Variants in TMEM129 observed in about 807,000 individuals in gnomAD.
TMEM129 encodes transmembrane protein 129, E3 ubiquitin ligase, also known as E3 ubiquitin-protein ligase TM129.
A neutral mutation model predicts 34.1 loss-of-function variants in TMEM129; 35 were observed. The ratio of observed to expected loss-of-function variants is 1.03; its 90% CI spans 0.78 to 1.36. The LOEUF is 1.36. Among genes scored for constraint, TMEM129 ranks in the 40% most tolerant of loss-of-function variants. The pLI is 0.00. For synonymous variants in TMEM129, 239 were observed against 217.3 expected (o/e 1.10, Z -0.88); for missense variants, 504 against 512.6 (o/e 0.98, Z 0.16).
At position 1,718,296 on chromosome 4, in the gene TMEM129, A is replaced by G. The variant is rs1481276631; in HGVS notation, c.536T>C (p.Val179Ala). 1 of 1,613,028 alleles carries G rather than the reference A, an allele frequency of 6.2e-7. No individual in the cohort carries two copies. The highest frequency in any genetic ancestry group is 1.3e-5 in the African/African-American group (1 of 74,916). ...TWVMKVTTYR[V>A]HVAQQQDVHL... ...CACGTCCTGCTGCTGGGCCACGTGC[A>G]CTCGGTAGGTGGTTACCTTCATCAC... is the stretch of plus-strand genomic sequence containing the variant. The change falls in exon 2 of 4, where the codon GTG becomes GCG. Residue 179 changes from valine to alanine, a missense_variant. Coordinates refer to ENST00000382936, the MANE Select transcript of TMEM129 (RefSeq NM_001127266.2).
chr4:1,718,463 TG>T lies in TMEM129; in HGVS notation c.368del (p.Pro123HisfsTer42). 5 of 1,562,860 alleles carry T rather than the reference TG, an allele frequency of 3.2e-6. No individual in the cohort carries two copies. The highest frequency in any genetic ancestry group is 4.3e-6 in the Non-Finnish European group (5 of 1,152,420). On this transcript the variant is annotated frameshift_variant, in exon 2 of 4. Coordinates refer to ENST00000382936, the MANE Select transcript of TMEM129 (RefSeq NM_001127266.2). LOFTEE classifies it high-confidence loss of function. Reference protein sequence around the residue: ...YWSRDRWACHPLARTLALYAL... With the variant: ...YWSRDRWACHXLARTLALYAL... ...CGTAGAGGGCCAGGGTGCGCGCCAGTGGGTGGCAGGCCCACCGGTCACGGGA... is the reference window on the plus strand; with the variant it reads ...CGTAGAGGGCCAGGGTGCGCGCCAGTGGTGGCAGGCCCACCGGTCACGGGA...
rs1386610282 is a variant in TMEM129, at chr4:1,720,383, G to T, written c.205+250C>A. On this transcript the variant is annotated intron_variant, in intron 1 of 3. Transcript: ENST00000382936. This position sits in a 1 kb window ranked among gnomAD's most constrained non-coding sequence, Gnocchi z 4.4. ...AACCCCCAGGCACGTGACGGTTCAG[G>T]ACTTGGTGGGCCGGAGCATCCCTTG... Among the ~76,000 whole-genome samples, 1 of 152,240 alleles carries T rather than the reference G, an allele frequency of 6.6e-6. No homozygotes were observed. Among genetic ancestry groups the T allele is most frequent in the African/African-American group, 2.4e-5 (1 of 41,466 alleles).
In TMEM129 at chr4:1,720,752, G is replaced by A; in HGVS notation, c.86C>T (p.Ala29Val). 6.3e-7 allele frequency: 1 copy of A among 1,583,422 alleles called. No individual in the cohort carries two copies. The highest frequency in any genetic ancestry group is 8.6e-7 in the Non-Finnish European group (1 of 1,166,510). Residue 29 changes from alanine (A) to valine (V), a missense_variant, in exon 1 of 4, where the codon GCG becomes GTG. Coordinates refer to ENST00000382936, the MANE Select transcript of TMEM129 (RefSeq NM_001127266.2). The surrounding 1 kb of genome is among the most constrained non-coding windows in gnomAD (Gnocchi z 4.4). ...FVFTPNEFHA[A>V]GLTVQNLLSG... Reference sequence around the variant, plus strand: ...CAGCAGGTTCTGCACCGTGAGCCCCGCCGCGTGGAACTCGTTGGGCGTGAA... The same window carrying A: ...CAGCAGGTTCTGCACCGTGAGCCCCACCGCGTGGAACTCGTTGGGCGTGAA...
At position 1,718,462 on chromosome 4, in the gene TMEM129, G is replaced by C. The variant is rs1717098309; in HGVS notation, c.370C>G (p.Leu124Val). 1 of 1,563,032 alleles carries C rather than the reference G, an allele frequency of 6.4e-7. No individual in the cohort carries two copies. The change falls in exon 2 of 4, where the codon CTG (leucine) becomes GTG (valine). Residue 124 changes from leucine (L) to valine (V), a missense_variant. Leu to Val is a conservative substitution (Grantham distance 32, BLOSUM62 1). Transcript: ENST00000382936. Reference sequence around the variant, plus strand: ...GCGTAGAGGGCCAGGGTGCGCGCCAGTGGGTGGCAGGCCCACCGGTCACGG... The same window carrying C: ...GCGTAGAGGGCCAGGGTGCGCGCCACTGGGTGGCAGGCCCACCGGTCACGG... ...WSRDRWACHP[L>V]ARTLALYALP...
In TMEM129 at chr4:1,718,466, G is replaced by A. The variant is rs1717098945; in HGVS notation, c.366C>T (p.His122=). The change falls in exon 2 of 4, where the codon CAC becomes CAT. Residue 122 remains histidine, a synonymous_variant. Coordinates refer to ENST00000382936, the MANE Select transcript of TMEM129 (RefSeq NM_001127266.2). ...AGAGGGCCAGGGTGCGCGCCAGTGGGTGGCAGGCCCACCGGTCACGGGACC... is the reference window on the plus strand; with the variant it reads ...AGAGGGCCAGGGTGCGCGCCAGTGGATGGCAGGCCCACCGGTCACGGGACC... The part of the protein sequence containing the change: ...YYWSRDRWAC[H]PLARTLALYA... 3.8e-6 allele frequency: 6 copies of A among 1,561,240 alleles called. No individual in the cohort carries two copies. The highest frequency in any genetic ancestry group is 5.2e-6 in the Non-Finnish European group (6 of 1,151,444).
intron 1 of TMEM129, 179 bp from the exon 2 acceptor site, chr4:1,718,805 A>C: frequency 7.1e-7 from 1 of 1,402,864 alleles, no homozygotes; most frequent in South Asian, 1.7e-5. Context: ...CAAAGGCAGG[A>C]TATATTAGCG....
chr4:1,717,695 T>TGGGCCCCTCTGCTGGGCCCCTCTGCA lies in TMEM129; in HGVS notation c.681-21_681-20insTGCAGAGGGGCCCAGCAGAGGGGCCC. 6.7e-7 allele frequency: 1 copy of TGGGCCCCTCTGCTGGGCCCCTCTGCA among 1,484,708 alleles called. No homozygotes were observed. Among genetic ancestry groups the TGGGCCCCTCTGCTGGGCCCCTCTGCA allele is most frequent in the Non-Finnish European group, 9.0e-7 (1 of 1,111,960 alleles). The allele number at this position is 1,484,708 out of a possible 1,614,324, so 92.0% of individuals were successfully genotyped here. On this transcript the variant is annotated intron_variant, in intron 2 of 3. Coordinates refer to ENST00000382936, the MANE Select transcript of TMEM129 (RefSeq NM_001127266.2). ...TTCAGCCTGCAGGGAGGAGAGCTGC[T>TGGGCCCCTCTGCTGGGCCCCTCTGCA]GGGCCCCTCTGCAGGGCAAAGGGAG...
rs1200645799 is a variant in TMEM129, at chr4:1,717,121, C to G, written c.*59G>C. On this transcript the variant is annotated 3_prime_UTR_variant, in exon 4 of 4. Coordinates refer to ENST00000382936, the MANE Select transcript of TMEM129 (RefSeq NM_001127266.2). ...TGCCAGCCAGGAGGCCCAGCCACCC[C>G]CTTCCCTGCCCTGTGGCTTTGGGGG... is the stretch of plus-strand genomic sequence containing the variant. 4 of 1,380,332 alleles carry G rather than the reference C, an allele frequency of 2.9e-6. No individual in the cohort carries two copies. Among genetic ancestry groups the G allele is most frequent in the South Asian group, 3.4e-5 (2 of 59,162 alleles). The allele number at this position is 1,380,332 out of a possible 1,614,324, so 85.5% of individuals were successfully genotyped here.
In TMEM129 at chr4:1,720,993, G is replaced by A. The variant is rs1225923008; in HGVS notation, c.-156C>T. 3.1e-6 allele frequency: 1 copy of A among 322,448 alleles called. No individual in the cohort carries two copies. Among genetic ancestry groups the A allele is most frequent in the Non-Finnish European group, 5.7e-6 (1 of 176,052 alleles). 20.0% of individuals were successfully genotyped at this position (322,448 alleles called of 1,614,324 possible). Reference sequence around the variant, plus strand: ...GAGTCCCGCCGCCCGGCCGCCCGCGGGGCACTCTAGGACATGGAGTCCCGC... The same window carrying A: ...GAGTCCCGCCGCCCGGCCGCCCGCGAGGCACTCTAGGACATGGAGTCCCGC... On this transcript the variant is annotated 5_prime_UTR_variant, in exon 1 of 4. Transcript: ENST00000382936. The surrounding 1 kb of genome is among the most constrained non-coding windows in gnomAD (Gnocchi z 4.4).
In TMEM129 at chr4:1,717,374, T is replaced by C. The variant is rs1375368932; in HGVS notation, c.895A>G (p.Lys299Glu). The change falls in exon 4 of 4, where the codon AAG becomes GAG. Residue 299 changes from lysine to glutamate, a missense_variant. Physicochemically the swap from Lys to Glu is moderately conservative, Grantham distance 56. Transcript: ENST00000382936. Reference protein sequence around the residue: ...MQTRASVKLVKTCQEAATGEC... With the variant: ...MQTRASVKLVETCQEAATGEC... ...CCTGTGGCTGCCTCCTGGCAGGTCT[T>C]CACCAGCTTCACGCTGGCACGTGTC... 6.5e-7 allele frequency: 1 copy of C among 1,530,686 alleles called. No homozygotes were observed. Among genetic ancestry groups the C allele is most frequent in the South Asian group, 1.2e-5 (1 of 83,486 alleles). 94.8% of individuals were successfully genotyped at this position (1,530,686 alleles called of 1,614,324 possible).
At position 1,720,863 on chromosome 4, in the gene TMEM129, G is replaced by A. The variant is rs750776470; in HGVS notation, c.-26C>T. ...CGCGCAGCCGCCGGGAAGCTGTCGA[G>A]CTAGGCCCCCGCCCCGGCGCGCGGA... On this transcript the variant is annotated 5_prime_UTR_variant, in exon 1 of 4. Transcript: ENST00000382936. The surrounding 1 kb of genome is among the most constrained non-coding windows in gnomAD (Gnocchi z 4.4). 1.9e-6 allele frequency: 3 copies of A among 1,552,618 alleles called. No homozygotes were observed. Among genetic ancestry groups the A allele is most frequent in the South Asian group, 1.2e-5 (1 of 84,140 alleles).
chr4:1,720,792 C>T lies in TMEM129; in HGVS notation c.46G>A (p.Ala16Thr), dbSNP rs868168700. Residue 16 changes from alanine to threonine, a missense_variant, in exon 1 of 4, where the codon GCC becomes ACC. Coordinates refer to ENST00000382936, the MANE Select transcript of TMEM129 (RefSeq NM_001127266.2). This position sits in a 1 kb window ranked among gnomAD's most constrained non-coding sequence, Gnocchi z 4.4. Reference sequence around the variant, plus strand: ...TTGGGCGTGAACACGAAGCACACGGCGAACACCAGATAGGCGAGAGTGAAG... The same window carrying T: ...TTGGGCGTGAACACGAAGCACACGGTGAACACCAGATAGGCGAGAGTGAAG... The part of the protein sequence containing the change: ...VTFTLAYLVF[A>T]VCFVFTPNEF... 1.3e-6 allele frequency: 2 copies of T among 1,595,668 alleles called. No individual in the cohort carries two copies. Among genetic ancestry groups the T allele is most frequent in the Admixed American group, 1.7e-5 (1 of 58,296 alleles).
chr4:1,719,008 A>C, intron 1 of TMEM129: 1 of 1,276,874 alleles, frequency 7.8e-7, no homozygotes, highest in Non-Finnish European at 1.0e-6. Flanking sequence ...GGCTGATCAA[A>C]TGTGGTGCAT....
In TMEM129 at chr4:1,718,476, C is replaced by A. The variant is rs1385141174; in HGVS notation, c.356G>T (p.Trp119Leu). 2.6e-6 allele frequency: 4 copies of A among 1,554,090 alleles called. No individual in the cohort carries two copies. Among genetic ancestry groups the A allele is most frequent in the Non-Finnish European group, 3.5e-6 (4 of 1,147,500 alleles). The change falls in exon 2 of 4, where the codon TGG becomes TTG. Residue 119 changes from tryptophan (W) to leucine (L), a missense_variant. By Grantham distance (61) the Trp-to-Leu change is moderately conservative (BLOSUM62 -2). Transcript: ENST00000382936. Reference protein sequence around the residue: ...ILIYYWSRDRWACHPLARTLA... With the variant: ...ILIYYWSRDRLACHPLARTLA... ...GGTGCGCGCCAGTGGGTGGCAGGCC[C>A]ACCGGTCACGGGACCAGTAGTAGAT...
At chr4:1,717,457 C>T in intron 3 of TMEM129, 29 bp from the exon 4 acceptor site, 4 of 1,502,174 alleles carry the variant, frequency 2.7e-6, no homozygotes, top group Non-Finnish European at 3.6e-6. Context: ...TCACCAGGAG[C>T]CCAGGCAGAC....
chr4:1,717,545 TG>T lies in TMEM129; in HGVS notation c.810del (p.Asn271ThrfsTer16). ...FLETFASLVEVNPAYSVPSSQ... is the reference protein window; with the variant it reads ...FLETFASLVEXNPAYSVPSSQ... ...CTGCTGGGCACTGAGTAGGCCGGGT[TG>T]ACCTCTACCAGGGAGGCAAATGTCT... On this transcript the variant is annotated frameshift_variant, in exon 3 of 4. Transcript: ENST00000382936. LOFTEE classifies it high-confidence loss of function. The T allele has an allele frequency of 1.3e-6, 2 of 1,545,440 alleles. No individual in the cohort carries two copies. Among genetic ancestry groups the T allele is most frequent in the Non-Finnish European group, 1.7e-6 (2 of 1,143,646 alleles).
rs964666011 is a variant in TMEM129 at position 1,716,302 on chromosome 4, C to T, written c.*878G>A. ...GCCCTGGGGCCTGGCCAACATCCCC[C>T]CTCCCCTTGAACCATCAGGAACTGG... is the stretch of plus-strand genomic sequence containing the variant. On this transcript the variant is annotated 3_prime_UTR_variant, in exon 4 of 4. Coordinates refer to ENST00000382936, the MANE Select transcript of TMEM129 (RefSeq NM_001127266.2). 1.3e-5 allele frequency: 2 copies of T among 152,512 alleles called. No individual in the cohort carries two copies. The highest frequency in any genetic ancestry group is 4.8e-5 in the African/African-American group (2 of 41,474). The allele number at this position is 152,512 out of a possible 1,614,324, so 9.4% of individuals were successfully genotyped here. A position where few individuals can be genotyped will look rare whatever the true frequency, so the allele number is the denominator to read the frequency against.
rs776709848 is a variant in TMEM129, at chr4:1,720,798, C to G, written c.40G>C (p.Val14Leu). The stretch of plus-strand genomic sequence containing the variant: ...GTGAACACGAAGCACACGGCGAACA[C>G]CAGATAGGCGAGAGTGAAGGTCACC... Reference protein sequence around the residue: ...PEVTFTLAYLVFAVCFVFTPN... With the variant: ...PEVTFTLAYLLFAVCFVFTPN... Residue 14 changes from valine to leucine, a missense_variant, in exon 1 of 4, where the codon GTG (valine) becomes CTG (leucine). Physicochemically the swap from Val to Leu is conservative, Grantham distance 32. Coordinates refer to ENST00000382936, the MANE Select transcript of TMEM129 (RefSeq NM_001127266.2). The surrounding 1 kb of genome is among the most constrained non-coding windows in gnomAD (Gnocchi z 4.4). 1.8e-5 allele frequency: 28 copies of G among 1,595,674 alleles called. No homozygotes were observed. In the East Asian group the frequency reaches 6.2e-4, roughly 35 times the overall value.
Position 1,720,314 on chromosome 4 carries a change from G to A in TMEM129, c.205+319C>T, listed in dbSNP as rs1055998055. Among the ~76,000 whole-genome samples the A allele has an allele frequency of 6.6e-6, 1 of 152,216 alleles. No homozygotes were observed. Among genetic ancestry groups the A allele is most frequent in the African/African-American group, 2.4e-5 (1 of 41,464 alleles). On this transcript the variant is annotated intron_variant, in intron 1 of 3. Coordinates refer to ENST00000382936, the MANE Select transcript of TMEM129 (RefSeq NM_001127266.2). The surrounding 1 kb of genome is among the most constrained non-coding windows in gnomAD (Gnocchi z 4.4). ...CTCAATCAACAGTTGCCTTCTCCTG[G>A]CCACTGCCCCCAACCACGACAAGCA...
Sources: gnomAD v4.1 joint callset for allele counts (sites outside exome capture counted in the v4.1 genomes callset) on GRCh38, gnomAD v4.1.1 for gene constraint, Gnocchi (gnomAD v3.1) non-coding constraint, MANE v1.5 for transcripts, NCBI Gene and HGNC (gene_info 2026-07-23, HGNC 2026-07-21) for gene names.